NBEA: variants seen among roughly 807,000 people sequenced by gnomAD.
NBEA encodes the protein lysosomal-trafficking regulator 2.
A neutral mutation model predicts 343.4 loss-of-function variants in NBEA; 44 were observed. That is an observed-to-expected ratio of 0.13 (90% CI 0.10 to 0.16). The LOEUF (loss-of-function observed/expected upper bound fraction) is 0.16. Among genes scored for constraint, NBEA ranks in the 10% least tolerant of loss-of-function variants. NBEA has a pLI of 1.00. For synonymous variants in NBEA, 1,175 were observed against 1,238.7 expected, an observed-to-expected ratio of 0.95 and a Z score of 1.08; for missense variants, 2,555 against 3,631.3, an observed-to-expected ratio of 0.70 and a Z score of 7.62.
rs115260399 is a variant in NBEA, at chr13:35,062,351, A to G, written c.1239+3488A>G. On this transcript the variant is annotated intron_variant, in intron 8 of 58. Transcript: ENST00000379939. Reference sequence around the variant, plus strand: ...TTGTGAAAGATTGGGGTAAAAAAATAGAACCCTAGAGATGGATGGGGCAAT... The same window carrying G: ...TTGTGAAAGATTGGGGTAAAAAAATGGAACCCTAGAGATGGATGGGGCAAT... 7.4e-3 allele frequency among the ~76,000 whole-genome samples: 1,124 copies of G among 151,892 alleles called. 12 individuals carry two copies. The highest frequency in any genetic ancestry group is 0.026 in the African/African-American group (1,063 of 41,546).
chr13:35,339,822 G>T (rs1032083772), intron 36 of NBEA, among the ~76,000 whole-genome samples: 7 of 151,978 alleles, frequency 4.6e-5, no homozygotes, highest in Non-Finnish European at 7.4e-5. Context: ...GCAGCAAGAG[G>T]ATATTTCTAA....
rs78032883 is a variant in NBEA at position 35,600,899 on chromosome 13, G to A, written c.7297-5527G>A. Among the ~76,000 whole-genome samples the A allele has an allele frequency of 3.9e-5, 6 of 152,194 alleles. No individual in the cohort carries two copies. In the East Asian group the frequency reaches 7.7e-4, roughly 20 times the overall value. ...TTCTTTAAGAAACACACTTTGAGCC[G>A]CGTACGGTGGTTCATGCCTGTAATC... On this transcript the variant is annotated intron_variant, in intron 47 of 58. Transcript: ENST00000379939.
intron 48 of NBEA, among the ~76,000 whole-genome samples, chr13:35,610,622 A>C (rs2082470637): frequency 6.6e-6 from 1 of 152,206 alleles, no homozygotes; most frequent in Non-Finnish European, 1.5e-5. Context: ...ATATAGGAGG[A>C]AATCTTTGTG....
intron 8 of NBEA, among the ~76,000 whole-genome samples, chr13:35,061,106 A>G (rs1410661395): frequency 1.3e-5 from 2 of 151,692 alleles, no homozygotes; most frequent in African/African-American, 2.4e-5. Context: ...CTACCTTCAA[A>G]TAATGTCATC....
At chr13:35,099,054 C>G (rs1460394425) in intron 11 of NBEA, among the ~76,000 whole-genome samples, 1 of 134,890 alleles carries the variant, frequency 7.4e-6, no homozygotes, top group Non-Finnish European at 1.5e-5. Context: ...GAGACAGTGT[C>G]TCACTCTGTC....
chr13:35,596,116 GTA>G (rs1171957440), intron 47 of NBEA, among the ~76,000 whole-genome samples: 1 of 151,876 alleles, frequency 6.6e-6, no homozygotes, highest in African/African-American at 2.4e-5. Flanking sequence ...ATGTGTGTGT[GTA>G]TGTGTGTGTG....
intron 13 of NBEA, 125 bp from the exon 14 acceptor site, chr13:35,117,289 A>G: frequency 2.9e-6 from 1 of 343,604 alleles, no homozygotes. Context: ...TATAGCATTA[A>G]TATAAATATT....
chr13:34,966,545 T>C (rs971628121), intron 1 of NBEA, among the ~76,000 whole-genome samples: 1 of 151,908 alleles, frequency 6.6e-6, no homozygotes. Flanking sequence ...GTGGTATGAC[T>C]AATCTGAATC....
chr13:35,608,348 A>G (rs2082368862), intron 48 of NBEA, among the ~76,000 whole-genome samples: 1 of 152,186 alleles, frequency 6.6e-6, no homozygotes, highest in Non-Finnish European at 1.5e-5. Context: ...TTTAATGTGA[A>G]TGACTTATAT....
intron 7 of NBEA, among the ~76,000 whole-genome samples, chr13:35,058,029 G>A (rs948057861): frequency 6.6e-6 from 1 of 152,124 alleles, no homozygotes; most frequent in African/African-American, 2.4e-5. Flanking sequence ...AAGGAACTGA[G>A]CCATGACTGC....
intron 48 of NBEA, among the ~76,000 whole-genome samples, chr13:35,619,711 T>C (rs2082895833): frequency 6.6e-6 from 1 of 152,122 alleles, no homozygotes; most frequent in African/African-American, 2.4e-5. Flanking sequence ...ACAGGGTCTT[T>C]CTCAAGGTTT....
chr13:35,613,224 G>A (rs1323795257), intron 48 of NBEA, among the ~76,000 whole-genome samples: 1 of 150,676 alleles, frequency 6.6e-6, no homozygotes, highest in African/African-American at 2.4e-5. Flanking sequence ...TCAGCCTCTG[G>A]TAACCACCAT....
intron 45 of NBEA, among the ~76,000 whole-genome samples, chr13:35,579,906 G>A (rs769743629): frequency 3.0e-4 from 45 of 152,080 alleles, no homozygotes; most frequent in Non-Finnish European, 5.3e-4. Flanking sequence ...AAAATTCTCA[G>A]CATTATTTCT....
At chr13:34,995,991 T>G (rs1237836564) in intron 1 of NBEA, among the ~76,000 whole-genome samples, 1 of 152,206 alleles carries the variant, frequency 6.6e-6, no homozygotes, top group Non-Finnish European at 1.5e-5. Flanking sequence ...ATTTGTTAAC[T>G]TGTAGCTGTT....
chr13:35,652,557 C>T (rs2084586966), intron 53 of NBEA, among the ~76,000 whole-genome samples: 1 of 147,586 alleles, frequency 6.8e-6, no homozygotes, highest in East Asian at 2.1e-4. Context: ...AGGAGAATGG[C>T]GTGAACCTGG....
intron 47 of NBEA, among the ~76,000 whole-genome samples, chr13:35,600,125 T>G (rs2081982955): frequency 6.6e-6 from 1 of 152,124 alleles, no homozygotes; most frequent in South Asian, 2.1e-4. Context: ...AAGAGGCAGG[T>G]CCTAAGTTGC....
intron 1 of NBEA, among the ~76,000 whole-genome samples, chr13:34,952,288 CAA>C (rs2059374258): frequency 6.6e-6 from 1 of 152,158 alleles, no homozygotes; most frequent in Admixed American, 6.5e-5. Flanking sequence ...GTCCCATAGA[CAA>C]CTTAGGACAG....
At chr13:35,568,771 G>A (rs1004202531) in intron 45 of NBEA, among the ~76,000 whole-genome samples, 1 of 152,142 alleles carries the variant, frequency 6.6e-6, no homozygotes, top group African/African-American at 2.4e-5. Flanking sequence ...AAGTGCTGCA[G>A]TGTTTCCATT....
At chr13:35,535,019 C>T (rs2078464801) in intron 41 of NBEA, among the ~76,000 whole-genome samples, 1 of 152,132 alleles carries the variant, frequency 6.6e-6, no homozygotes, top group African/African-American at 2.4e-5. Flanking sequence ...TCCAGAAATG[C>T]AGAAGAAACT....
Sources: gnomAD v4.1 joint callset for allele counts (sites outside exome capture counted in the v4.1 genomes callset) on GRCh38, gnomAD v4.1.1 for gene constraint, MANE v1.5 for transcripts, NCBI Gene and HGNC (gene_info 2026-07-23, HGNC 2026-07-21) for gene names.